Variants in RBFOX1 observed in about 807,000 individuals in gnomAD.
RBFOX1 encodes RNA binding protein fox-1 homolog 1.
Under a neutral mutation model 57.7 loss-of-function variants are expected in RBFOX1, and 8 were observed. The observed-to-expected ratio is 0.14, with a 90% CI of 0.08 to 0.25. RBFOX1 has a LOEUF of 0.25. Among genes scored for constraint, RBFOX1 ranks in the 10% least tolerant of loss-of-function variants. RBFOX1 has a pLI of 1.00. For missense variants in RBFOX1, 611 were observed against 548.5 expected (o/e 1.11, Z -1.14); for synonymous variants, 326 against 222.4 (o/e 1.47, Z -4.15).
intron 3 of RBFOX1, among the ~76,000 whole-genome samples, chr16:5,768,623 G>A (rs1337287643): frequency 6.6e-6 from 1 of 152,128 alleles, no homozygotes; most frequent in Non-Finnish European, 1.5e-5. Flanking sequence ...CTGCATCATA[G>A]CCAAAATCTG....
chr16:6,908,083 A>C (rs1460652329), intron 3 of RBFOX1, among the ~76,000 whole-genome samples: 1 of 151,784 alleles, frequency 6.6e-6, no homozygotes, highest in African/African-American at 2.4e-5. Context: ...CATTTCCAAT[A>C]AGGTCACATT....
At chr16:6,800,818 A>G (rs1185705585) in intron 3 of RBFOX1, among the ~76,000 whole-genome samples, 1 of 152,166 alleles carries the variant, frequency 6.6e-6, no homozygotes, top group African/African-American at 2.4e-5. Flanking sequence ...GAGTGACTGT[A>G]TAAATAGCAT....
At chr16:6,926,558 A>C (rs913672409) in intron 3 of RBFOX1, among the ~76,000 whole-genome samples, 1 of 152,138 alleles carries the variant, frequency 6.6e-6, no homozygotes, top group Admixed American at 6.5e-5. Context: ...GCAGGGAGAA[A>C]TCCTGCAGGC....
intron 2 of RBFOX1, among the ~76,000 whole-genome samples, chr16:6,506,121 A>G (rs2153750891): frequency 6.6e-6 from 1 of 152,294 alleles, no homozygotes; most frequent in South Asian, 2.1e-4. Flanking sequence ...AGTGGCACTG[A>G]GCTGAGAGTG....
At chr16:5,831,125 A>G (rs2056254992) in intron 3 of RBFOX1, among the ~76,000 whole-genome samples, 3 of 152,072 alleles carry the variant, frequency 2.0e-5, no homozygotes, top group Non-Finnish European at 4.4e-5. Flanking sequence ...TGTGGTTTGG[A>G]TCTGCGTTCC....
At chr16:7,377,649 T>G (rs759433352) in intron 4 of RBFOX1, among the ~76,000 whole-genome samples, 23 of 152,200 alleles carry the variant, frequency 1.5e-4, no homozygotes, top group Non-Finnish European at 2.9e-4. Flanking sequence ...GATGACTCAT[T>G]CATTTATTTG....
intron 4 of RBFOX1, among the ~76,000 whole-genome samples, chr16:7,275,417 T>A (rs776430883): frequency 6.6e-6 from 1 of 152,240 alleles, no homozygotes; most frequent in Non-Finnish European, 1.5e-5. Context: ...CAAATATTTA[T>A]CAGCAATGAT....
intron 4 of RBFOX1, among the ~76,000 whole-genome samples, chr16:7,390,017 G>A (rs1320123939): frequency 6.6e-6 from 1 of 152,134 alleles, no homozygotes; most frequent in African/African-American, 2.4e-5. Flanking sequence ...GAGGCCTCAG[G>A]AAACTTATAA....
At chr16:7,253,648 C>T (rs2094569683) in intron 4 of RBFOX1, among the ~76,000 whole-genome samples, 1 of 152,158 alleles carries the variant, frequency 6.6e-6, no homozygotes, top group South Asian at 2.1e-4. Flanking sequence ...GACCATCTTG[C>T]CTATGCTTTG....
intron 5 of RBFOX1, among the ~76,000 whole-genome samples, chr16:7,540,249 T>G (rs149824087): frequency 1.8e-4 from 28 of 152,320 alleles, no homozygotes; most frequent in Non-Finnish European, 3.8e-4. Flanking sequence ...TCTCGCTGTT[T>G]CCCTCGCTGG....
At chr16:6,715,869 AG>A (rs1474944978) in intron 3 of RBFOX1, among the ~76,000 whole-genome samples, 1 of 152,198 alleles carries the variant, frequency 6.6e-6, no homozygotes, top group African/African-American at 2.4e-5. Context: ...TAGGGTATGA[AG>A]CCCCTTTGGG....
intron 3 of RBFOX1, among the ~76,000 whole-genome samples, chr16:5,655,418 A>G (rs867360931): frequency 1.3e-4 from 20 of 152,194 alleles, no homozygotes; most frequent in Middle Eastern, 3.2e-3. Context: ...GTGGAGGTCA[A>G]TTGAGGCTTT....
chr16:7,596,334 C>T (rs1006139085), intron 8 of RBFOX1, among the ~76,000 whole-genome samples: 2 of 151,766 alleles, frequency 1.3e-5, no homozygotes, highest in Non-Finnish European at 2.9e-5. Flanking sequence ...ACTGGGATCT[C>T]CCGCAACATA....
At position 5,242,500 on chromosome 16, in the gene RBFOX1, C is replaced by A. The variant is rs191423435; in HGVS notation, c.219+2395C>A. 5.8e-3 allele frequency among the ~76,000 whole-genome samples: 890 copies of A among 152,328 alleles called. 6 individuals are homozygous for A. Among genetic ancestry groups the A allele is most frequent in the Non-Finnish European group, 9.0e-3 (612 of 68,038 alleles). On this transcript the variant is annotated intron_variant, in intron 1 of 2. Coordinates refer to the RBFOX1 transcript ENST00000585867. ...TTCCTTTTTAGTTTCTATGGGAATACTCTCTTTGAAGAACCCATGAAGCAG... is the reference window on the plus strand; with the variant it reads ...TTCCTTTTTAGTTTCTATGGGAATAATCTCTTTGAAGAACCCATGAAGCAG...
At chr16:6,895,436 G>GTATATA (rs1420239034) in intron 3 of RBFOX1, among the ~76,000 whole-genome samples, 17 of 85,768 alleles carry the variant, frequency 2.0e-4, no homozygotes, top group Admixed American at 6.9e-4. Flanking sequence ...GTGTGTGTGT[G>GTATATA]TGTGTGTGTG....
intron 1 of RBFOX1, among the ~76,000 whole-genome samples, chr16:6,129,136 A>G (rs2152668016): frequency 6.6e-6 from 1 of 152,332 alleles, no homozygotes; most frequent in East Asian, 1.9e-4. Flanking sequence ...AAACATATGA[A>G]TAAACAGGAT....
chr16:6,389,719 A>G (rs902590210), intron 2 of RBFOX1, among the ~76,000 whole-genome samples: 1 of 152,194 alleles, frequency 6.6e-6, no homozygotes, highest in African/African-American at 2.4e-5. Flanking sequence ...TCAAAAATTC[A>G]GCTCAGGCTG....
intron 10 of RBFOX1, among the ~76,000 whole-genome samples, chr16:7,629,072 G>T (rs1336650219): frequency 3.3e-5 from 5 of 152,186 alleles, no homozygotes; most frequent in African/African-American, 7.2e-5. Context: ...GCGGGTGGGG[G>T]TGGCTGTTCT....
chr16:5,476,695 CT>C (rs1446249512), intron 2 of RBFOX1, among the ~76,000 whole-genome samples: 2 of 152,194 alleles, frequency 1.3e-5, no homozygotes, highest in African/African-American at 4.8e-5. Flanking sequence ...CCATGGATGC[CT>C]TTTAATTTAT....
Sources: gnomAD v4.1 joint callset for allele counts (sites outside exome capture counted in the v4.1 genomes callset) on GRCh38, gnomAD v4.1.1 for gene constraint, MANE v1.5 for transcripts, NCBI Gene and HGNC (gene_info 2026-07-23, HGNC 2026-07-21) for gene names.